Variants in KLHL14 observed in about 807,000 individuals in gnomAD.
KLHL14 encodes kelch like family member 14.
In KLHL14, 22 loss-of-function variants were observed where a neutral mutation model predicts 64.3. The ratio of observed to expected loss-of-function variants is 0.34; its 90% CI spans 0.24 to 0.49. The LOEUF is 0.49. Among genes scored for constraint, KLHL14 ranks in the 20% least tolerant of loss-of-function variants. The pLI, the probability that KLHL14 is intolerant of heterozygous loss-of-function variation, is 0.99. For synonymous variants in KLHL14, 322 were observed against 333.4 expected (o/e 0.97, Z 0.37); for missense variants, 661 against 789.0 (o/e 0.84, Z 1.94).
chr18:32,770,644 A>C lies in KLHL14; in HGVS notation c.-43-10T>G. On this transcript the variant is annotated splice_polypyrimidine_tract_variant and intron_variant, in intron 1 of 8. Transcript: ENST00000359358. This position sits in a 1 kb window ranked among gnomAD's most constrained non-coding sequence, Gnocchi z 6.7. ...TAAACCCTCCTCCAACCTGGCAGAC[A>C]GGGGTGGGGGATGGGAGGGAGGGGA... is the stretch of plus-strand genomic sequence containing the variant. The C allele has an allele frequency of 7.5e-6, 3 of 401,112 alleles. No homozygotes were observed. Among genetic ancestry groups the C allele is most frequent in the Non-Finnish European group, 7.7e-6 (2 of 260,186 alleles). The allele number at this position is 401,112 out of a possible 1,614,324, so 24.8% of individuals were successfully genotyped here.
At chr18:32,676,010 A>T (rs892569443) in intron 8 of KLHL14, among the ~76,000 whole-genome samples, 2 of 152,210 alleles carry the variant, frequency 1.3e-5, no homozygotes, top group African/African-American at 2.4e-5. Context: ...AGGAAAATAT[A>T]AAAATGTTCA....
At chr18:32,763,514 T>C (rs766902460) in intron 2 of KLHL14, among the ~76,000 whole-genome samples, 2 of 152,266 alleles carry the variant, frequency 1.3e-5, no homozygotes, top group Admixed American at 6.5e-5. Flanking sequence ...ATTCAGATAA[T>C]TGGGTAAATT....
At chr18:32,729,564 A>AAT (rs953722728) in intron 3 of KLHL14, among the ~76,000 whole-genome samples, 2 of 152,180 alleles carry the variant, frequency 1.3e-5, no homozygotes, top group African/African-American at 4.8e-5. Context: ...AGAAAATAGA[A>AAT]ATATGTCATT....
At chr18:32,726,560 G>C (rs1006378606) in intron 3 of KLHL14, among the ~76,000 whole-genome samples, 4 of 151,928 alleles carry the variant, frequency 2.6e-5, no homozygotes, top group Non-Finnish European at 5.9e-5. Flanking sequence ...GGAGGCAGAG[G>C]TTGCAGTGAG....
intron 7 of KLHL14, among the ~76,000 whole-genome samples, chr18:32,678,374 A>T (rs548125988): frequency 6.6e-6 from 1 of 152,314 alleles, no homozygotes; most frequent in African/African-American, 2.4e-5. Context: ...AGATGAATAA[A>T]AAGGTGGAGA....
At position 32,718,111 on chromosome 18, in the gene KLHL14, A is replaced by G. The variant is rs113728763; in HGVS notation, c.1070-22559T>C. ...ATTCTGGGTTATGCAATAAATGATT[A>G]CCCTGCCTCCAATCTCTCCTTTTCC... is the stretch of plus-strand genomic sequence containing the variant. On this transcript the variant is annotated intron_variant, in intron 3 of 8. Coordinates refer to ENST00000359358, the MANE Select transcript of KLHL14 (RefSeq NM_020805.3). Among the ~76,000 whole-genome samples, 175 of 152,352 alleles carry G rather than the reference A, an allele frequency of 1.1e-3. 1 individual carries two copies. Among genetic ancestry groups the G allele is most frequent in the African/African-American group, 3.9e-3 (161 of 41,586 alleles).
At chr18:32,730,552 A>T (rs920639383) in intron 3 of KLHL14, among the ~76,000 whole-genome samples, 5 of 152,242 alleles carry the variant, frequency 3.3e-5, no homozygotes, top group African/African-American at 1.2e-4. Flanking sequence ...TATACCCATC[A>T]TCCTTACCAT....
chr18:32,772,135 AGCC>A (rs750776770), intron 1 of KLHL14: 99 of 258,928 alleles, frequency 3.8e-4, no homozygotes, highest in South Asian at 1.4e-3. Flanking sequence ...CCCGGGGGAG[AGCC>A]GCCGCCGCCG....
intron 3 of KLHL14, among the ~76,000 whole-genome samples, chr18:32,708,129 C>G (rs1244573557): frequency 1.3e-5 from 2 of 152,074 alleles, no homozygotes; most frequent in African/African-American, 4.8e-5. Context: ...ATTCAATAAA[C>G]TGATTATGGA....
At chr18:32,751,942 C>T (rs1429552620) in intron 2 of KLHL14, among the ~76,000 whole-genome samples, 1 of 152,158 alleles carries the variant, frequency 6.6e-6, no homozygotes, top group Non-Finnish European at 1.5e-5. Context: ...GCCTGGCCAA[C>T]ATGGTGAAAC....
intron 2 of KLHL14, among the ~76,000 whole-genome samples, chr18:32,756,050 G>C (rs1453042358): frequency 6.6e-6 from 1 of 152,156 alleles, no homozygotes. Context: ...ACCAAACTGT[G>C]TTCCCTCCAA....
chr18:32,728,227 T>C (rs760698360), intron 3 of KLHL14, among the ~76,000 whole-genome samples: 11 of 152,208 alleles, frequency 7.2e-5, no homozygotes, highest in Non-Finnish European at 1.5e-4. Flanking sequence ...TTTTACAACA[T>C]GCACTCTGTT....
intron 2 of KLHL14, among the ~76,000 whole-genome samples, chr18:32,758,563 T>C (rs780917184): frequency 1.4e-4 from 21 of 152,264 alleles, no homozygotes; most frequent in Non-Finnish European, 2.5e-4. Context: ...TGAATTAATA[T>C]ATGAGGCAGC....
At chr18:32,707,791 T>C (rs1182648025) in intron 3 of KLHL14, among the ~76,000 whole-genome samples, 1 of 152,236 alleles carries the variant, frequency 6.6e-6, no homozygotes, top group East Asian at 1.9e-4. Flanking sequence ...GACTTTGCCC[T>C]GTGTGCCTTT....
At chr18:32,744,387 G>A (rs1283211200) in intron 2 of KLHL14, 5 of 151,536 alleles carry the variant, frequency 3.3e-5, no homozygotes, top group African/African-American at 9.7e-5. Context: ...TGAAACAAGA[G>A]AATCTCTTGA....
rs550579985 is a variant in KLHL14, at chr18:32,725,941, A to G, written c.1069+15987T>C. 3.0e-4 allele frequency among the ~76,000 whole-genome samples: 45 copies of G among 152,328 alleles called. 1 individual carries two copies. The South Asian group carries it at 6.8e-3, about 23-fold the overall frequency. ...TGGAAGTTCTGGCAGAACTTGCATC[A>G]TACAGTTGATGTGAGGATTAAATGA... On this transcript the variant is annotated intron_variant, in intron 3 of 8. Coordinates refer to ENST00000359358, the MANE Select transcript of KLHL14 (RefSeq NM_020805.3).
intron 2 of KLHL14, among the ~76,000 whole-genome samples, chr18:32,750,043 GAGAGAGAGGAGA>G (rs1169103782): frequency 6.6e-6 from 1 of 151,798 alleles, no homozygotes; most frequent in Non-Finnish European, 1.5e-5. Flanking sequence ...CAATGAGAGA[GAGAGAGAGGAGA>G]GCACACGTGT....
At chr18:32,675,683 C>T (rs1189691659) in intron 8 of KLHL14, among the ~76,000 whole-genome samples, 1 of 152,126 alleles carries the variant, frequency 6.6e-6, no homozygotes, top group Non-Finnish European at 1.5e-5. Flanking sequence ...ACCTTTTCCT[C>T]CCCAAACCAA....
At chr18:32,748,603 C>G (rs2050236277) in intron 2 of KLHL14, among the ~76,000 whole-genome samples, 1 of 151,918 alleles carries the variant, frequency 6.6e-6, no homozygotes, top group Non-Finnish European at 1.5e-5. Context: ...ATCCACCCGC[C>G]TCGGCCTCCC....
Sources: allele counts gnomAD v4.1 joint callset (sites outside exome capture counted in the v4.1 genomes callset), GRCh38; gene constraint gnomAD v4.1.1; non-coding constraint Gnocchi (gnomAD v3.1); transcripts MANE v1.5; gene names NCBI Gene and HGNC (gene_info 2026-07-23, HGNC 2026-07-21).